Variants in CLEC17A observed in about 807,000 individuals in gnomAD.
The protein encoded by CLEC17A is C-type lectin domain family 17, member A.
In CLEC17A, 37 loss-of-function variants were observed where a neutral mutation model predicts 61.3. The ratio of observed to expected loss-of-function variants is 0.60; its 90% CI spans 0.46 to 0.79. The LOEUF (loss-of-function observed/expected upper bound fraction) is 0.79, where lower values mean the gene tolerates loss of function less well. Ranked by LOEUF, CLEC17A falls within the 30% of genes least tolerant of loss-of-function variation. The pLI, the probability that CLEC17A is intolerant of heterozygous loss-of-function variation, is 0.00. For missense variants in CLEC17A, 418 were observed against 464.7 expected (o/e 0.90, Z 0.92); for synonymous variants, 168 against 164.9 (o/e 1.02, Z -0.14).
At chr19:14,607,611 T>C (rs2074932092) in intron 13 of CLEC17A, among the ~76,000 whole-genome samples, 1 of 151,986 alleles carries the variant, frequency 6.6e-6, no homozygotes, top group Non-Finnish European at 1.5e-5. Context: ...GGAGTCTCGC[T>C]GTCGCTCAGG....
Position 14,587,934 on chromosome 19 carries a change from C to T in CLEC17A, c.199+243C>T, listed in dbSNP as rs559787476. On this transcript the variant is annotated intron_variant, in intron 3 of 13. Coordinates refer to ENST00000417570, the MANE Select transcript of CLEC17A (RefSeq NM_001204118.2). ...GGAGATTGGCAAAATCCTTGGGGGA[C>T]TGAGGGCTCAAATAGAGGAAGGGAC... Among the ~76,000 whole-genome samples the T allele has an allele frequency of 4.6e-5, 7 of 152,118 alleles. No homozygotes were observed. The East Asian group carries it at 1.4e-3, about 29-fold the overall frequency.
intron 12 of CLEC17A, among the ~76,000 whole-genome samples, chr19:14,606,276 C>T (rs778883871): frequency 1.1e-4 from 16 of 151,456 alleles, no homozygotes; most frequent in Non-Finnish European, 1.6e-4. Context: ...GCCTGTAATC[C>T]TAGATCTTTG....
At chr19:14,598,262 C>A (rs2074599552) in intron 10 of CLEC17A, among the ~76,000 whole-genome samples, 1 of 152,002 alleles carries the variant, frequency 6.6e-6, no homozygotes, top group African/African-American at 2.4e-5. Flanking sequence ...TCAAGACCAG[C>A]CTGGGCACAG....
At chr19:14,606,694 A>T (rs2146750610) in intron 12 of CLEC17A, among the ~76,000 whole-genome samples, 1 of 152,070 alleles carries the variant, frequency 6.6e-6, no homozygotes, top group East Asian at 1.9e-4. Flanking sequence ...AAAAAAAAAA[A>T]AAAGTTAATC....
At chr19:14,608,513 C>G (rs1392733879) in intron 13 of CLEC17A, among the ~76,000 whole-genome samples, 1 of 152,040 alleles carries the variant, frequency 6.6e-6, no homozygotes. Flanking sequence ...GACCCTGAAC[C>G]TTCAATATTT....
chr19:14,590,531 G>A (rs2074384116), intron 3 of CLEC17A, among the ~76,000 whole-genome samples: 1 of 152,130 alleles, frequency 6.6e-6, no homozygotes, highest in South Asian at 2.1e-4. Context: ...GGGATTACAG[G>A]CATGTGCCAC....
intron 3 of CLEC17A, chr19:14,588,302 A>G (rs188593857): frequency 6.6e-6 from 1 of 150,456 alleles, no homozygotes; most frequent in East Asian, 1.9e-4. Flanking sequence ...AGCCGGGGCA[A>G]CATAGCAAGA....
At chr19:14,585,786 A>G (rs1451541319) in intron 2 of CLEC17A, among the ~76,000 whole-genome samples, 2 of 147,228 alleles carry the variant, frequency 1.4e-5, no homozygotes, top group African/African-American at 2.5e-5. Context: ...CTCAAGCTAG[A>G]ACTACCCAGC....
chr19:14,598,507 C>T (rs992200235), intron 10 of CLEC17A, among the ~76,000 whole-genome samples: 1 of 150,352 alleles, frequency 6.7e-6, no homozygotes, highest in Non-Finnish European at 1.5e-5. Flanking sequence ...GAATTTTGCT[C>T]TTGTTGCCCA....
chr19:14,595,924 G>C (rs2074534718), intron 8 of CLEC17A, among the ~76,000 whole-genome samples: 1 of 64,212 alleles, frequency 1.6e-5, no homozygotes, highest in East Asian at 5.8e-4. Context: ...TGGTGGTGAT[G>C]GTGTTGGTGA....
intron 10 of CLEC17A, 188 bp from the exon 11 acceptor site, chr19:14,599,529 C>G: frequency 1.5e-6 from 1 of 663,198 alleles, no homozygotes; most frequent in Non-Finnish European, 2.8e-6. Context: ...GGGATTGATC[C>G]CTCCTCTGAG....
intron 13 of CLEC17A, among the ~76,000 whole-genome samples, chr19:14,607,494 CG>C (rs2074924102): frequency 6.6e-6 from 1 of 151,512 alleles, no homozygotes; most frequent in Non-Finnish European, 1.5e-5. Context: ...TGAGCCACCG[CG>C]CCCGGCCAGG....
At chr19:14,604,431 A>G (rs993855987) in intron 12 of CLEC17A, among the ~76,000 whole-genome samples, 7 of 152,114 alleles carry the variant, frequency 4.6e-5, no homozygotes, top group Non-Finnish European at 8.8e-5. Context: ...CTATAACGAC[A>G]GAAATATTTT....
At chr19:14,591,796 A>G (rs1005843311) in intron 3 of CLEC17A, among the ~76,000 whole-genome samples, 20 of 149,228 alleles carry the variant, frequency 1.3e-4, no homozygotes, top group South Asian at 4.3e-4. Flanking sequence ...AAACTCAGGC[A>G]ACCTGCCAGC....
chr19:14,598,359 T>TTTCC (rs899014559), intron 10 of CLEC17A, among the ~76,000 whole-genome samples: 7 of 151,890 alleles, frequency 4.6e-5, no homozygotes, highest in Admixed American at 4.6e-4. Flanking sequence ...TCTTTTTCTT[T>TTTCC]TTCCTTCCTT....
chr19:14,588,309 A>C (rs1382617950), intron 3 of CLEC17A: 3 of 148,558 alleles, frequency 2.0e-5, no homozygotes, highest in Non-Finnish European at 4.4e-5. Context: ...GCAACATAGC[A>C]AGACCCCATC....
intron 3 of CLEC17A, among the ~76,000 whole-genome samples, chr19:14,591,898 ATGTGTGTGTGTGTG>A (rs747656450): frequency 2.9e-5 from 4 of 138,948 alleles, no homozygotes; most frequent in East Asian, 2.1e-4. Flanking sequence ...CCGGAGAAAA[ATGTGTGTGTGTGTG>A]TGTGTGTGTG....
intron 12 of CLEC17A, among the ~76,000 whole-genome samples, chr19:14,601,972 T>G (rs1054165895): frequency 4.6e-5 from 7 of 151,794 alleles, no homozygotes; most frequent in Admixed American, 6.6e-5. Context: ...TTTTGTATTT[T>G]TAGTAGAGAC....
At chr19:14,590,410 C>A (rs932325053) in intron 3 of CLEC17A, among the ~76,000 whole-genome samples, 61 of 145,322 alleles carry the variant, frequency 4.2e-4, no homozygotes, top group Non-Finnish European at 8.4e-4. Flanking sequence ...TTTCTTGAGA[C>A]GGAGTTTCAC....
Sources: allele counts gnomAD v4.1 joint callset (sites outside exome capture counted in the v4.1 genomes callset), GRCh38; gene constraint gnomAD v4.1.1; transcripts MANE v1.5; gene names NCBI Gene and HGNC (gene_info 2026-07-23, HGNC 2026-07-21).